SGCZ: variants seen among roughly 807,000 people sequenced by gnomAD.
The protein encoded by SGCZ is sarcoglycan zeta, also known as zeta-sarcoglycan.
Under a neutral mutation model 41.3 loss-of-function variants are expected in SGCZ, and 40 were observed. The ratio of observed to expected loss-of-function variants is 0.97; its 90% CI spans 0.75 to 1.26. SGCZ has a LOEUF of 1.26. Ranked by LOEUF, SGCZ falls within the 50% of genes most tolerant of loss-of-function variation. SGCZ has a pLI of 0.00. For missense variants in SGCZ, 552 were observed against 369.8 expected, an observed-to-expected ratio of 1.49 and a Z score of -4.04; for synonymous variants, 206 against 137.5, an observed-to-expected ratio of 1.50 and a Z score of -3.49.
Position 14,659,209 on chromosome 8 carries a change from C to G in SGCZ, c.40-104283G>C, listed in dbSNP as rs531737275. On this transcript the variant is annotated intron_variant, in intron 1 of 7. Coordinates refer to ENST00000382080, the MANE Select transcript of SGCZ (RefSeq NM_139167.4). ...CTAGGGTGACTATAGCTAGTAACAA[C>G]GTAGTATATACTTCAAGACAGAAGA... is the stretch of plus-strand genomic sequence containing the variant. Among the ~76,000 whole-genome samples, 7 of 152,162 alleles carry G rather than the reference C, an allele frequency of 4.6e-5. No individual in the cohort carries two copies. In the South Asian group the frequency reaches 1.2e-3, roughly 27 times the overall value.
intron 1 of SGCZ, among the ~76,000 whole-genome samples, chr8:14,836,660 G>C (rs1396887114): frequency 6.6e-6 from 1 of 152,080 alleles, no homozygotes; most frequent in East Asian, 1.9e-4. Flanking sequence ...ACCATACCCA[G>C]GTAATTCTTT....
At chr8:14,809,427 G>C (rs559754841) in intron 1 of SGCZ, among the ~76,000 whole-genome samples, 3 of 151,978 alleles carry the variant, frequency 2.0e-5, no homozygotes, top group Non-Finnish European at 4.4e-5. Flanking sequence ...AATGGTCTTT[G>C]CCTTGTGTTA....
At position 14,853,370 on chromosome 8, in the gene SGCZ, T is replaced by A. The variant is rs143331497; in HGVS notation, c.40-298444A>T. ...ATGCTGGCCACTCCAGTCCACCAAATGCAGTTCCCTTGGGACCTACGCTGG... is the reference window on the plus strand; with the variant it reads ...ATGCTGGCCACTCCAGTCCACCAAAAGCAGTTCCCTTGGGACCTACGCTGG... On this transcript the variant is annotated intron_variant, in intron 1 of 7. Coordinates refer to ENST00000382080, the MANE Select transcript of SGCZ (RefSeq NM_139167.4). 901 of 480,230 alleles carry A rather than the reference T, an allele frequency of 1.9e-3. 9 individuals are homozygous for A. Among genetic ancestry groups the A allele is most frequent in the African/African-American group, 0.016 (827 of 51,094 alleles). The allele number at this position is 480,230 out of a possible 1,614,324, so 29.7% of individuals were successfully genotyped here.
chr8:14,907,154 C>G (rs560092673), intron 1 of SGCZ, among the ~76,000 whole-genome samples: 1 of 152,234 alleles, frequency 6.6e-6, no homozygotes, highest in Admixed American at 6.5e-5. Context: ...CTCTGTGATA[C>G]AGTCTACTAT....
intron 1 of SGCZ, among the ~76,000 whole-genome samples, chr8:14,824,088 T>C (rs566880939): frequency 6.6e-6 from 1 of 151,838 alleles, no homozygotes; most frequent in African/African-American, 2.4e-5. Context: ...TACCAGAGAC[T>C]AGGGAAGCAA....
chr8:14,665,551 G>A (rs1267661391), intron 1 of SGCZ, among the ~76,000 whole-genome samples: 2 of 152,080 alleles, frequency 1.3e-5, no homozygotes, highest in Admixed American at 6.5e-5. Context: ...GGGTCAAATG[G>A]TATTTCTAAA....
At chr8:14,955,348 G>A (rs1250570506) in intron 1 of SGCZ, among the ~76,000 whole-genome samples, 1 of 152,112 alleles carries the variant, frequency 6.6e-6, no homozygotes, top group Admixed American at 6.6e-5. Context: ...TTCCAAACAC[G>A]ACTGGAGATC....
At chr8:15,183,242 A>G (rs1585649269) in intron 1 of SGCZ, among the ~76,000 whole-genome samples, 1 of 152,242 alleles carries the variant, frequency 6.6e-6, no homozygotes, top group Admixed American at 6.5e-5. Context: ...ATAGTCATTT[A>G]TTATCAAGTA....
chr8:15,182,459 G>T (rs2117090334), intron 1 of SGCZ, among the ~76,000 whole-genome samples: 1 of 152,184 alleles, frequency 6.6e-6, no homozygotes, highest in Middle Eastern at 3.4e-3. Context: ...TTACTCCTAG[G>T]CTACAAACAT....
chr8:14,466,753 A>C (rs1420405854), intron 2 of SGCZ, among the ~76,000 whole-genome samples: 1 of 151,070 alleles, frequency 6.6e-6, no homozygotes, highest in South Asian at 2.1e-4. Context: ...TCCTCTAATA[A>C]CTTTTTGTTC....
intron 4 of SGCZ, among the ~76,000 whole-genome samples, chr8:14,220,974 C>G (rs1806172648): frequency 6.6e-6 from 1 of 150,984 alleles, no homozygotes; most frequent in Non-Finnish European, 1.5e-5. Context: ...TGGACATGAA[C>G]TTAGAGTTTC....
chr8:15,198,908 T>C (rs1175222163), intron 1 of SGCZ, among the ~76,000 whole-genome samples: 1 of 152,184 alleles, frequency 6.6e-6, no homozygotes. Context: ...AGGAAAAGCA[T>C]AGGTTTGCAG....
At chr8:14,100,762 CTG>C (rs1407858555) in intron 7 of SGCZ, among the ~76,000 whole-genome samples, 3 of 151,576 alleles carry the variant, frequency 2.0e-5, no homozygotes, top group East Asian at 1.9e-4. Flanking sequence ...GAATTAATAA[CTG>C]AGATAAAAAA....
At chr8:15,022,902 C>A (rs1034646214) in intron 1 of SGCZ, among the ~76,000 whole-genome samples, 3 of 152,146 alleles carry the variant, frequency 2.0e-5, no homozygotes, top group Admixed American at 1.3e-4. Flanking sequence ...AAGTAACGTA[C>A]GTTTCACAGC....
At chr8:15,110,236 C>A (rs993487368) in intron 1 of SGCZ, among the ~76,000 whole-genome samples, 5 of 152,102 alleles carry the variant, frequency 3.3e-5, no homozygotes, top group Non-Finnish European at 5.9e-5. Flanking sequence ...GTCAGATGAT[C>A]CTTGAGTTAC....
intron 1 of SGCZ, among the ~76,000 whole-genome samples, chr8:15,056,825 G>T (rs1804724207): frequency 6.6e-6 from 1 of 152,114 alleles, no homozygotes. Flanking sequence ...TCCAAATTGT[G>T]CCAGTGTCAG....
chr8:14,278,254 G>C (rs576898927), intron 3 of SGCZ, among the ~76,000 whole-genome samples: 3 of 152,196 alleles, frequency 2.0e-5, no homozygotes, highest in Admixed American at 2.0e-4. Flanking sequence ...GCCCCTCTTT[G>C]AGTGTCACAT....
intron 4 of SGCZ, among the ~76,000 whole-genome samples, chr8:14,209,060 G>T (rs1367629241): frequency 2.0e-5 from 3 of 152,180 alleles, no homozygotes; most frequent in Non-Finnish European, 4.4e-5. Context: ...TCAAAATGAC[G>T]CCTCCATGTT....
At chr8:14,543,148 C>T (rs934387578) in intron 2 of SGCZ, among the ~76,000 whole-genome samples, 3 of 151,978 alleles carry the variant, frequency 2.0e-5, no homozygotes, top group Non-Finnish European at 4.4e-5. Flanking sequence ...CATGTATTTT[C>T]ACAATTGTTC....
Sources: allele counts gnomAD v4.1 joint callset (sites outside exome capture counted in the v4.1 genomes callset), GRCh38; gene constraint gnomAD v4.1.1; transcripts MANE v1.5; gene names NCBI Gene and HGNC (gene_info 2026-07-23, HGNC 2026-07-21).